PRDM16: variants seen among roughly 807,000 people sequenced by gnomAD.
The protein encoded by PRDM16 is histone-lysine N-methyltransferase PRDM16.
In PRDM16, 23 loss-of-function variants were observed where a neutral mutation model predicts 110.6. That is an observed-to-expected ratio of 0.21 (90% CI 0.15 to 0.29). The LOEUF (loss-of-function observed/expected upper bound fraction) is 0.29. Ranked by LOEUF, PRDM16 falls within the 10% of genes least tolerant of loss-of-function variation. PRDM16 has a pLI of 1.00. For missense variants in PRDM16, 1,615 were observed against 1,794.3 expected (o/e 0.90, Z 1.81); for synonymous variants, 799 against 781.8 (o/e 1.02, Z -0.37).
chr1:3,418,432 G>A (rs375886091), intron 11 of PRDM16, among the ~76,000 whole-genome samples: 2 of 152,184 alleles, frequency 1.3e-5, no homozygotes, highest in Admixed American at 6.5e-5. Context: ...CTGAGGGGCC[G>A]AGACGCTTCA....
rs1243242023 is a variant in PRDM16, at chr1:3,411,731, C to A, written c.1534C>A (p.Pro512Thr). The A allele has an allele frequency of 1.2e-6, 2 of 1,611,354 alleles. No homozygotes were observed. The highest frequency in any genetic ancestry group is 1.3e-5 in the African/African-American group (1 of 74,900). The stretch of plus-strand genomic sequence containing the variant: ...GCCTCCCACGTTCCCCGCACTCACC[C>A]CCGGCTTCCCGGGCATCTTCCCTCC... ...TAPPTFPALT[P>T]GFPGIFPPSL... The change falls in exon 9 of 17, where the codon CCC becomes ACC. Residue 512 changes from proline (P) to threonine (T), a missense_variant. Around this residue, in one of 5 missense-constraint regions of PRDM16, gnomAD observed 772 missense variants for 748.3 expected, o/e 1.03. Coordinates refer to ENST00000270722, the MANE Select transcript of PRDM16 (RefSeq NM_022114.4).
chr1:3,294,454 C>G (rs970128442), intron 3 of PRDM16, among the ~76,000 whole-genome samples: 1 of 152,050 alleles, frequency 6.6e-6, no homozygotes, highest in Non-Finnish European at 1.5e-5. Flanking sequence ...GGGAGGGGCC[C>G]CAAGAGCCTC....
intron 2 of PRDM16, among the ~76,000 whole-genome samples, chr1:3,199,044 C>T (rs1021690800): frequency 3.3e-5 from 5 of 152,140 alleles, no homozygotes; most frequent in Admixed American, 6.5e-5. Flanking sequence ...CAAGTAGAAG[C>T]GGCCTTGTTT....
At chr1:3,226,429 T>C (rs1296434919) in intron 2 of PRDM16, among the ~76,000 whole-genome samples, 3 of 152,186 alleles carry the variant, frequency 2.0e-5, no homozygotes, top group Admixed American at 2.0e-4. Flanking sequence ...CTAGAGCATC[T>C]GGCCCCATCT....
Position 3,212,247 on chromosome 1 carries a change from T to A in PRDM16, c.387+25773T>A, listed in dbSNP as rs565884959. On this transcript the variant is annotated intron_variant, in intron 2 of 16. Transcript: ENST00000270722. Reference sequence around the variant, plus strand: ...TGAGGCTTTGTCCCTCCTCTCCCGTTCCCTTTTATGCGGCCTTGTGCTAGT... The same window carrying A: ...TGAGGCTTTGTCCCTCCTCTCCCGTACCCTTTTATGCGGCCTTGTGCTAGT... Among the ~76,000 whole-genome samples the A allele has an allele frequency of 2.0e-5, 3 of 152,258 alleles. No individual in the cohort carries two copies. In the South Asian group the frequency reaches 6.2e-4, roughly 32 times the overall value.
chr1:3,268,115 C>T (rs1363460723), intron 3 of PRDM16, among the ~76,000 whole-genome samples: 2 of 152,192 alleles, frequency 1.3e-5, no homozygotes, highest in South Asian at 2.1e-4. Context: ...CACGTGGGAG[C>T]GTACGGTGAG....
chr1:3,133,345 C>G (rs1467416331), intron 1 of PRDM16: 1 of 152,320 alleles, frequency 6.6e-6, no homozygotes, highest in Non-Finnish European at 1.5e-5. Context: ...GGCTGTGGGC[C>G]TGGGGGAGGT....
At chr1:3,356,145 C>T (rs922161966) in intron 3 of PRDM16, among the ~76,000 whole-genome samples, 4 of 152,222 alleles carry the variant, frequency 2.6e-5, no homozygotes, top group Admixed American at 2.6e-4. Flanking sequence ...GTTAGCAGAA[C>T]CTCCCTCATC....
intron 3 of PRDM16, among the ~76,000 whole-genome samples, chr1:3,337,902 G>GA: frequency 6.6e-6 from 1 of 151,374 alleles, no homozygotes; most frequent in African/African-American, 2.5e-5. Context: ...ACACACATGG[G>GA]CACTTGTGTA....
chr1:3,256,996 G>A (rs1023146266), intron 3 of PRDM16, among the ~76,000 whole-genome samples: 2 of 152,242 alleles, frequency 1.3e-5, no homozygotes, highest in Non-Finnish European at 2.9e-5. Flanking sequence ...ATGATAATAT[G>A]CCTTATTGCT....
chr1:3,270,423 G>A (rs558774732), intron 3 of PRDM16, among the ~76,000 whole-genome samples: 18 of 150,614 alleles, frequency 1.2e-4, no homozygotes, highest in East Asian at 1.2e-3. Context: ...TCCCAGAGGA[G>A]GACAGTCCCA....
intron 1 of PRDM16, among the ~76,000 whole-genome samples, chr1:3,139,478 TG>T (rs1643504608): frequency 6.6e-6 from 1 of 152,222 alleles, no homozygotes; most frequent in African/African-American, 2.4e-5. Flanking sequence ...ACAGAGCTGC[TG>T]GCAGGGGCGG....
rs1642659431 is a variant in PRDM16, at chr1:3,358,746, A to G, written c.439-26406A>G. ...ATCAGAGCTGAGTAACCTGCTCCAA[A>G]CCCAGGACACTGTGTGTGAGTCCCA... is the stretch of plus-strand genomic sequence containing the variant. On this transcript the variant is annotated intron_variant, in intron 3 of 16. Transcript: ENST00000270722. This position sits in a 1 kb window ranked among gnomAD's most constrained non-coding sequence, Gnocchi z 4.0. Among the ~76,000 whole-genome samples the G allele has an allele frequency of 6.6e-6, 1 of 152,132 alleles. No homozygotes were observed. Among genetic ancestry groups the G allele is most frequent in the East Asian group, 1.9e-4 (1 of 5,188 alleles).
chr1:3,307,590 C>T (rs1283232619), intron 3 of PRDM16: 1 of 152,214 alleles, frequency 6.6e-6, no homozygotes, highest in Non-Finnish European at 1.5e-5. Flanking sequence ...AGGTGACTAA[C>T]GTTCTCAGTC....
chr1:3,365,281 C>T (rs1642789170), intron 3 of PRDM16, among the ~76,000 whole-genome samples: 1 of 152,210 alleles, frequency 6.6e-6, no homozygotes. Context: ...CCAACAAACC[C>T]CTACCAAGCA....
chr1:3,183,388 G>A (rs914749982), intron 1 of PRDM16, among the ~76,000 whole-genome samples: 1 of 152,224 alleles, frequency 6.6e-6, no homozygotes, highest in African/African-American at 2.4e-5. Flanking sequence ...GAGCCTCCGT[G>A]CAGGCTTCCC....
intron 1 of PRDM16, among the ~76,000 whole-genome samples, chr1:3,168,872 T>C (rs913915306): frequency 6.6e-5 from 10 of 152,094 alleles, no homozygotes; most frequent in Non-Finnish European, 8.8e-5. Flanking sequence ...GATGAGAAGC[T>C]CTGGCCTACC....
At chr1:3,164,563 T>A (rs1643928857) in intron 1 of PRDM16, among the ~76,000 whole-genome samples, 1 of 152,166 alleles carries the variant, frequency 6.6e-6, no homozygotes, top group South Asian at 2.1e-4. Flanking sequence ...AAGGCATTGC[T>A]GAGCGGACAG....
intron 16 of PRDM16, among the ~76,000 whole-genome samples, chr1:3,433,342 C>G (rs890092800): frequency 3.3e-5 from 5 of 152,246 alleles, no homozygotes; most frequent in Admixed American, 6.5e-5. Context: ...CCTTCTGCCC[C>G]CTGTGGCCCA....
Sources: gnomAD v4.1 joint callset for allele counts (sites outside exome capture counted in the v4.1 genomes callset) on GRCh38, gnomAD v4.1.1 for gene constraint, gnomAD v4.1.1 regional missense constraint, Gnocchi (gnomAD v3.1) non-coding constraint, MANE v1.5 for transcripts, NCBI Gene and HGNC (gene_info 2026-07-23, HGNC 2026-07-21) for gene names.